The following ADA variants were observed in gnomAD, a reference collection of about 807,000 sequenced individuals.
The protein encoded by ADA is adenosine aminohydrolase.
In ADA, 45 loss-of-function variants were observed where a neutral mutation model predicts 49.0. That is an observed-to-expected ratio of 0.92 (90% CI 0.72 to 1.18). The LOEUF (loss-of-function observed/expected upper bound fraction) is 1.18, where lower values mean the gene tolerates loss of function less well. Among genes scored for constraint, ADA ranks in the 50% most tolerant of loss-of-function variants. The pLI, the probability that ADA is intolerant of heterozygous loss-of-function variation, is 0.00. For missense variants in ADA, 445 were observed against 472.5 expected (o/e 0.94, Z 0.54); for synonymous variants, 173 against 184.2 (o/e 0.94, Z 0.49).
At chr20:44,640,595 G>A (rs1403985079) in intron 1 of ADA, among the ~76,000 whole-genome samples, 1 of 151,456 alleles carries the variant, frequency 6.6e-6, no homozygotes, top group Non-Finnish European at 1.5e-5. Flanking sequence ...TTGAACCTGG[G>A]GGCAGAGATT....
chr20:44,623,197 G>A lies in ADA; in HGVS notation c.607-119C>T, dbSNP rs913095866. On this transcript the variant is annotated intron_variant, in intron 6 of 11. Transcript: ENST00000372874. Reference sequence around the variant, plus strand: ...CATGCTGCCTGCTTCAACAGCATGGGGAAACCTGGTCTTTTACCCTCCAAG... The same window carrying A: ...CATGCTGCCTGCTTCAACAGCATGGAGAAACCTGGTCTTTTACCCTCCAAG... The A allele has an allele frequency of 3.5e-6, 5 of 1,449,202 alleles. No individual in the cohort carries two copies. The African/African-American group carries it at 5.6e-5, about 16-fold the overall frequency. 89.8% of individuals were successfully genotyped at this position (1,449,202 alleles called of 1,614,324 possible). A position where few individuals can be genotyped will look rare whatever the true frequency, so the allele number is the denominator to read the frequency against.
At chr20:44,641,788 G>C (rs1403393187) in intron 1 of ADA, among the ~76,000 whole-genome samples, 1 of 148,764 alleles carries the variant, frequency 6.7e-6, no homozygotes, top group East Asian at 2.0e-4. Flanking sequence ...TTTTTTTTGA[G>C]ATGGAGTCTG....
intron 1 of ADA, among the ~76,000 whole-genome samples, chr20:44,641,326 G>T (rs376511632): frequency 2.6e-4 from 39 of 152,152 alleles, no homozygotes; most frequent in Non-Finnish European, 4.7e-4. Context: ...TGCCGTAGAG[G>T]AACCGTTCTA....
chr20:44,630,994 C>T (rs1187795224), intron 2 of ADA, among the ~76,000 whole-genome samples: 1 of 152,092 alleles, frequency 6.6e-6, no homozygotes, highest in Non-Finnish European at 1.5e-5. Context: ...GCTTGGGTGA[C>T]AGAGCAAGAC....
At chr20:44,650,806 C>G (rs978048350) in intron 1 of ADA, among the ~76,000 whole-genome samples, 2 of 152,130 alleles carry the variant, frequency 1.3e-5, no homozygotes, top group African/African-American at 4.8e-5. Context: ...ACTCTCACAC[C>G]CTACTGGCTG....
At chr20:44,641,426 C>T (rs1473159298) in intron 1 of ADA, among the ~76,000 whole-genome samples, 1 of 152,102 alleles carries the variant, frequency 6.6e-6, no homozygotes, top group African/African-American at 2.4e-5. Context: ...TACTCTTTCA[C>T]AATTTTGCCC....
intron 1 of ADA, among the ~76,000 whole-genome samples, chr20:44,651,062 C>T (rs975065279): frequency 6.6e-6 from 1 of 152,192 alleles, no homozygotes; most frequent in Non-Finnish European, 1.5e-5. Flanking sequence ...GCTCTGCTCC[C>T]CTCCCTCCCC....
intron 11 of ADA, 42 bp downstream of exon 11, chr20:44,620,257 C>G: frequency 6.5e-7 from 1 of 1,550,284 alleles, no homozygotes; most frequent in Non-Finnish European, 8.9e-7. Flanking sequence ...CACACTGGGG[C>G]CAGGACAGGG....
chr20:44,637,966 T>C (rs2065495682), intron 1 of ADA, among the ~76,000 whole-genome samples: 1 of 152,230 alleles, frequency 6.6e-6, no homozygotes. Context: ...CAACCAGCTG[T>C]GTGACCTCAG....
chr20:44,626,455 C>T lies in ADA; in HGVS notation c.362+1G>A. The T allele has an allele frequency of 6.2e-7, 1 of 1,613,844 alleles. No individual in the cohort carries two copies. The highest frequency in any genetic ancestry group is 8.5e-7 in the Non-Finnish European group (1 of 1,180,026). ...TGGCCCCTTCCAGGCCCATCACTCA[C>T]TCAGCCTGGTTCCAGGGGATTGGCT... is the stretch of plus-strand genomic sequence containing the variant. On this transcript the variant is annotated splice_donor_variant, in intron 4 of 11. Transcript: ENST00000372874. LOFTEE classifies it high-confidence loss of function.
At chr20:44,628,922 A>G in intron 3 of ADA, 125 bp downstream of exon 3, 1 of 1,446,434 alleles carries the variant, frequency 6.9e-7, no homozygotes, top group Non-Finnish European at 9.7e-7. Context: ...AAGTGTACAC[A>G]ATGGTGAGAA....
At chr20:44,649,415 A>G (rs1329058882) in intron 1 of ADA, among the ~76,000 whole-genome samples, 2 of 152,008 alleles carry the variant, frequency 1.3e-5, no homozygotes, top group Non-Finnish European at 2.9e-5. Context: ...AACACATGGC[A>G]GGTAACATTC....
At chr20:44,634,214 C>A (rs903029421) in intron 2 of ADA, among the ~76,000 whole-genome samples, 1 of 152,256 alleles carries the variant, frequency 6.6e-6, no homozygotes, top group African/African-American at 2.4e-5. Flanking sequence ...CACTGAACGA[C>A]CTCATTAGGG....
rs11700291 is a variant in ADA, at chr20:44,628,765, C to T, written c.218+282G>A. ...GCCCTGAACTAGGAGATAGATGGCC[C>T]GGGTTCAAGCCCTGCACTGCCTCTG... is the stretch of plus-strand genomic sequence containing the variant. On this transcript the variant is annotated intron_variant, in intron 3 of 11. Coordinates refer to ENST00000372874, the MANE Select transcript of ADA (RefSeq NM_000022.4). 0.068 allele frequency among the ~76,000 whole-genome samples: 10,277 copies of T among 151,896 alleles called. 382 individuals carry two copies. Among genetic ancestry groups the T allele is most frequent in the African/African-American group, 0.089 (3,667 of 41,394 alleles).
intron 1 of ADA, among the ~76,000 whole-genome samples, chr20:44,639,246 C>T (rs1442203625): frequency 1.3e-5 from 2 of 152,056 alleles, no homozygotes; most frequent in Admixed American, 6.5e-5. Context: ...GAAAGAGATG[C>T]CAAGGCTCAC....
At chr20:44,630,388 G>C (rs2065423033) in intron 2 of ADA, among the ~76,000 whole-genome samples, 1 of 151,342 alleles carries the variant, frequency 6.6e-6, no homozygotes, top group Non-Finnish European at 1.5e-5. Context: ...TAACATGAGG[G>C]ACAAAACAAC....
At chr20:44,621,221 A>C (rs1600917024) in intron 9 of ADA, 74 bp from the exon 10 acceptor site, 15 of 1,588,938 alleles carry the variant, frequency 9.4e-6, no homozygotes, top group Admixed American at 3.4e-5. Flanking sequence ...ATTGACGTTC[A>C]CCCGCCTTTG....
intron 10 of ADA, 38 bp from the exon 11 acceptor site, chr20:44,620,439 G>T: frequency 1.3e-6 from 2 of 1,548,822 alleles, no homozygotes; most frequent in South Asian, 1.1e-5. Context: ...TGGAACCAGA[G>T]AACAAAGAAG....
intron 3 of ADA, among the ~76,000 whole-genome samples, chr20:44,628,588 T>C (rs1410669740): frequency 2.0e-5 from 3 of 152,088 alleles, no homozygotes; most frequent in Non-Finnish European, 4.4e-5. Context: ...TTCTCTCTAG[T>C]ACTCGCCCAT....
Sources: allele counts gnomAD v4.1 joint callset (sites outside exome capture counted in the v4.1 genomes callset), GRCh38; gene constraint gnomAD v4.1.1; transcripts MANE v1.5; gene names NCBI Gene and HGNC (gene_info 2026-07-23, HGNC 2026-07-21).